The following LY75 variants were observed in gnomAD, a reference collection of about 807,000 sequenced individuals.
LY75 encodes the protein lymphocyte antigen 75.
Under a neutral mutation model 231.7 loss-of-function variants are expected in LY75, and 185 were observed. The observed-to-expected ratio is 0.80, with a 90% CI of 0.71 to 0.90. The LOEUF (loss-of-function observed/expected upper bound fraction) is 0.90. Ranked by LOEUF, LY75 falls within the 40% of genes least tolerant of loss-of-function variation. The probability of loss-of-function intolerance (pLI) is 0.00; values close to 1 mark genes in which losing one functional copy is unlikely to be tolerated. For missense variants in LY75, 1,947 were observed against 2,050.2 expected, an observed-to-expected ratio of 0.95 and a Z score of 0.97; for synonymous variants, 668 against 689.0, an observed-to-expected ratio of 0.97 and a Z score of 0.48.
At chr2:159,858,305 C>G (rs1684603003) in intron 16 of LY75, 57 bp downstream of exon 16, 1 of 1,582,290 alleles carries the variant, frequency 6.3e-7, no homozygotes, top group African/African-American at 1.4e-5. Context: ...CTACTTTGAG[C>G]TAGGCATTCA....
At chr2:159,815,040 T>G (rs927396209) in intron 31 of LY75, among the ~76,000 whole-genome samples, 9 of 140,118 alleles carry the variant, frequency 6.4e-5, no homozygotes, top group East Asian at 4.4e-4. Flanking sequence ...TTGCTCTGTC[T>G]CCCAGGCTGG....
At chr2:159,807,763 C>T (rs1478162792) in intron 33 of LY75, 1 of 946,240 alleles carries the variant, frequency 1.1e-6, no homozygotes, top group Admixed American at 6.2e-5. Context: ...TTCAACTTTG[C>T]ATAAAATGTG....
At chr2:159,885,045 C>T (rs1298466774) in intron 6 of LY75, 108 bp downstream of exon 6, 2 of 1,452,652 alleles carry the variant, frequency 1.4e-6, no homozygotes, top group Non-Finnish European at 1.9e-6. Context: ...CTGTCAGTAT[C>T]AGGAGAAGGA....
chr2:159,810,815 C>T (rs1490421298), intron 31 of LY75, 140 bp from the exon 32 acceptor site: 2 of 1,269,174 alleles, frequency 1.6e-6, no homozygotes, highest in East Asian at 2.5e-5. Flanking sequence ...AGCCACAGCC[C>T]ACACTCTATA....
chr2:159,817,052 TG>T lies in LY75; in HGVS notation c.4154-21del. 1.9e-6 allele frequency: 3 copies of T among 1,556,670 alleles called. No homozygotes were observed. The highest frequency in any genetic ancestry group is 1.7e-6 in the Non-Finnish European group (2 of 1,149,406). Reference sequence around the variant, plus strand: ...AGTCAACTATAATAATTAAAAGCACTGGTGATTAAAATTTAAATTATTTCAA... The same window carrying T: ...AGTCAACTATAATAATTAAAAGCACTGTGATTAAAATTTAAATTATTTCAA... On this transcript the variant is annotated intron_variant, in intron 29 of 34. Coordinates refer to ENST00000263636, the MANE Select transcript of LY75 (RefSeq NM_002349.4).
At position 159,804,884 on chromosome 2, in the gene LY75, G is replaced by T. The variant is rs193276929; in HGVS notation, c.*160C>A. 16 of 552,668 alleles carry T rather than the reference G, an allele frequency of 2.9e-5. No individual in the cohort carries two copies. The highest frequency in any genetic ancestry group is 2.8e-4 in the African/African-American group (15 of 53,082). The allele number at this position is 552,668 out of a possible 1,614,324, so 34.2% of individuals were successfully genotyped here. ...AGGGTGATAAACATGGCATTTAGCA[G>T]GGAATTAACTGTGGATACCAGCACA... On this transcript the variant is annotated 3_prime_UTR_variant, in exon 35 of 35. Transcript: ENST00000263636.
At chr2:159,833,501 G>T (rs1217976379) in intron 27 of LY75, among the ~76,000 whole-genome samples, 2 of 152,148 alleles carry the variant, frequency 1.3e-5, no homozygotes, top group African/African-American at 4.8e-5. Context: ...AAGGAGTTAT[G>T]CCTATACTTT....
chr2:159,823,778 G>C (rs1460816978), intron 28 of LY75, among the ~76,000 whole-genome samples: 1 of 152,190 alleles, frequency 6.6e-6, no homozygotes, highest in Non-Finnish European at 1.5e-5. Context: ...AGCCAGAAGA[G>C]AGTGGGAGCC....
chr2:159,853,805 A>T (rs570159781), intron 18 of LY75, 108 bp from the exon 19 acceptor site: 1 of 1,445,216 alleles, frequency 6.9e-7, no homozygotes, highest in South Asian at 1.2e-5. Flanking sequence ...ATTTCCAGAC[A>T]TTCCTTACTT....
chr2:159,873,145 A>G (rs1167090103), intron 12 of LY75, among the ~76,000 whole-genome samples: 1 of 85,558 alleles, frequency 1.2e-5, no homozygotes, highest in Non-Finnish European at 2.9e-5. Flanking sequence ...AGAAAGAAGA[A>G]GAAAGAAGAA....
At position 159,808,584 on chromosome 2, in the gene LY75, A is replaced by G; in HGVS notation, c.4700-13T>C. ...GTTGCAGAGTGATCTGTTGAAAGAA[A>G]ACACATTCTCAATTAGCTTTATGGA... On this transcript the variant is annotated splice_polypyrimidine_tract_variant and intron_variant, in intron 32 of 34. Coordinates refer to ENST00000263636, the MANE Select transcript of LY75 (RefSeq NM_002349.4). The G allele has an allele frequency of 6.2e-7, 1 of 1,612,466 alleles. No homozygotes were observed. The highest frequency in any genetic ancestry group is 1.1e-5 in the South Asian group (1 of 91,056).
intron 5 of LY75, 67 bp downstream of exon 5, chr2:159,886,353 T>C: frequency 6.8e-7 from 1 of 1,472,168 alleles, no homozygotes; most frequent in Non-Finnish European, 9.1e-7. Flanking sequence ...AAGCTATTGG[T>C]GAGTGAGAAG....
At chr2:159,899,119 T>G in intron 1 of LY75, 60 bp from the exon 2 acceptor site, 1 of 1,564,766 alleles carries the variant, frequency 6.4e-7, no homozygotes, top group Non-Finnish European at 8.6e-7. Flanking sequence ...GCTCCCTGCC[T>G]GCTGAGGAGA....
chr2:159,854,048 A>T (rs1028468776), intron 18 of LY75, among the ~76,000 whole-genome samples: 1 of 152,200 alleles, frequency 6.6e-6, no homozygotes, highest in African/African-American at 2.4e-5. Flanking sequence ...GTTACTTATT[A>T]GTAGAAACAG....
Position 159,860,909 on chromosome 2 carries a change from T to C in LY75, c.2200-20A>G, listed in dbSNP as rs776549117. Reference sequence around the variant, plus strand: ...AGACACCTGAAAAGACAAGAGAGGCTTGAGAATTTAAGACTGATGTATAAA... The same window carrying C: ...AGACACCTGAAAAGACAAGAGAGGCCTGAGAATTTAAGACTGATGTATAAA... On this transcript the variant is annotated intron_variant, in intron 14 of 34. Transcript: ENST00000263636. 16 of 1,613,642 alleles carry C rather than the reference T, an allele frequency of 9.9e-6. No homozygotes were observed. The East Asian group carries it at 3.6e-4, about 36-fold the overall frequency.
intron 16 of LY75, among the ~76,000 whole-genome samples, chr2:159,857,015 C>T (rs62176687): frequency 1.3e-5 from 2 of 152,178 alleles, no homozygotes; most frequent in Admixed American, 1.3e-4. Context: ...CTCACATTAA[C>T]ACTTCAAAAC....
intron 13 of LY75, among the ~76,000 whole-genome samples, chr2:159,869,787 T>C (rs1207979187): frequency 6.6e-6 from 1 of 152,244 alleles, no homozygotes; most frequent in Admixed American, 6.5e-5. Flanking sequence ...AAACACGTTG[T>C]ATAAAATGTT....
At chr2:159,838,634 A>G (rs1262315803) in intron 25 of LY75, among the ~76,000 whole-genome samples, 1 of 152,174 alleles carries the variant, frequency 6.6e-6, no homozygotes, top group Non-Finnish European at 1.5e-5. Context: ...GTAATCACCT[A>G]TTGTTTCCTC....
chr2:159,898,252 C>T (rs1322317043), intron 2 of LY75, among the ~76,000 whole-genome samples: 2 of 152,170 alleles, frequency 1.3e-5, no homozygotes, highest in Non-Finnish European at 2.9e-5. Flanking sequence ...GAAGCTGGGA[C>T]CGCAACCATG....
Sources: allele counts gnomAD v4.1 joint callset (sites outside exome capture counted in the v4.1 genomes callset), GRCh38; gene constraint gnomAD v4.1.1; transcripts MANE v1.5; gene names NCBI Gene and HGNC (gene_info 2026-07-23, HGNC 2026-07-21).